Variants in RAB6B observed in about 807,000 individuals in gnomAD.
RAB6B encodes the protein RAB6B, member RAS oncogene family.
Under a neutral mutation model 31.2 loss-of-function variants are expected in RAB6B, and 7 were observed. The observed-to-expected ratio is 0.22, with a 90% CI of 0.13 to 0.42. The LOEUF is 0.42. Ranked by LOEUF, RAB6B falls within the 10% of genes least tolerant of loss-of-function variation. The probability of loss-of-function intolerance (pLI) is 1.00; values close to 1 mark genes in which losing one functional copy is unlikely to be tolerated. For synonymous variants in RAB6B, 105 were observed against 104.9 expected, an observed-to-expected ratio of 1.00 and a Z score of -0.01; for missense variants, 149 against 280.6, an observed-to-expected ratio of 0.53 and a Z score of 3.35.
At chr3:133,873,776 C>T (rs762155068) in intron 1 of RAB6B, among the ~76,000 whole-genome samples, 33 of 152,178 alleles carry the variant, frequency 2.2e-4, no homozygotes, top group Non-Finnish European at 3.2e-4. Flanking sequence ...AATCCTCATA[C>T]GACTTTTTAG....
chr3:133,889,440 A>ATATATATATATATATT (rs1936606167), intron 1 of RAB6B, among the ~76,000 whole-genome samples: 1 of 99,524 alleles, frequency 1.0e-5, no homozygotes. Context: ...ATATATATAT[A>ATATATATATATATATT]TATATTTATT....
At chr3:133,851,643 G>A (rs1935985834) in intron 2 of RAB6B, among the ~76,000 whole-genome samples, 1 of 152,148 alleles carries the variant, frequency 6.6e-6, no homozygotes, top group Non-Finnish European at 1.5e-5. Context: ...AGAGAGGCTG[G>A]GTGACTAAGA....
At chr3:133,843,520 C>G (rs909857986) in intron 2 of RAB6B, among the ~76,000 whole-genome samples, 21 of 152,320 alleles carry the variant, frequency 1.4e-4, no homozygotes, top group Non-Finnish European at 2.5e-4. Flanking sequence ...ACAGGCTCCC[C>G]AGGAGTGACA....
chr3:133,825,677 C>CCAT lies in RAB6B; in HGVS notation c.*3108_*3110dup, dbSNP rs1364458823. 1 of 152,150 alleles carries CCAT rather than the reference C, an allele frequency of 6.6e-6. No homozygotes were observed. The highest frequency in any genetic ancestry group is 2.4e-5 in the African/African-American group (1 of 41,432). 9.4% of individuals were successfully genotyped at this position (152,150 alleles called of 1,614,324 possible). On this transcript the variant is annotated 3_prime_UTR_variant, in exon 8 of 8. Transcript: ENST00000285208. ...CTTGTAAATAGGCTGTTTGCTTTTT[C>CCAT]CATCTTACACTCAACTTTCCTGATG...
At chr3:133,834,706 C>A (rs1287254984) in intron 6 of RAB6B, 65 bp from the exon 7 acceptor site, 2 of 1,436,040 alleles carry the variant, frequency 1.4e-6, no homozygotes, top group Non-Finnish European at 2.0e-6. Flanking sequence ...CCTCACTGCA[C>A]CTGCACCCTC....
rs1365782704 is a variant in RAB6B, at chr3:133,895,542, G to A, written c.-76C>T. 5 of 1,489,434 alleles carry A rather than the reference G, an allele frequency of 3.4e-6. No individual in the cohort carries two copies. In the South Asian group the frequency reaches 4.7e-5, roughly 14 times the overall value. 92.3% of individuals were successfully genotyped at this position (1,489,434 alleles called of 1,614,324 possible). A position where few individuals can be genotyped will look rare whatever the true frequency, so the allele number is the denominator to read the frequency against. On this transcript the variant is annotated 5_prime_UTR_variant, in exon 1 of 8. Transcript: ENST00000285208. Reference sequence around the variant, plus strand: ...CAGGGAGGGGAGAGTAGGAGGGCGAGGGGAGGCGGCCGGCGGTGCGGGAGC... The same window carrying A: ...CAGGGAGGGGAGAGTAGGAGGGCGAAGGGAGGCGGCCGGCGGTGCGGGAGC...
intron 1 of RAB6B, among the ~76,000 whole-genome samples, chr3:133,866,641 T>A (rs193014955): frequency 1.3e-5 from 2 of 152,332 alleles, no homozygotes; most frequent in Non-Finnish European, 2.9e-5. Flanking sequence ...CTGCTTTAAA[T>A]CTCCCCTTAA....
chr3:133,875,639 G>A (rs1447878069), intron 1 of RAB6B, among the ~76,000 whole-genome samples: 3 of 152,110 alleles, frequency 2.0e-5, no homozygotes, highest in Non-Finnish European at 4.4e-5. Flanking sequence ...GAGCTCTCAG[G>A]ACACTGCAAA....
chr3:133,830,005 A>G (rs1396243087), intron 7 of RAB6B, among the ~76,000 whole-genome samples: 1 of 152,230 alleles, frequency 6.6e-6, no homozygotes, highest in Non-Finnish European at 1.5e-5. Flanking sequence ...AAATGAGTAA[A>G]TAGATACTAA....
At chr3:133,840,941 GCTTT>G (rs1388553050) in intron 4 of RAB6B, among the ~76,000 whole-genome samples, 6 of 152,166 alleles carry the variant, frequency 3.9e-5, no homozygotes, top group South Asian at 2.1e-4. Flanking sequence ...TCCTTAGGGA[GCTTT>G]CTGACAGCCA....
At position 133,887,332 on chromosome 3, in the gene RAB6B, C is replaced by T. The variant is rs1469464509; in HGVS notation, c.70+8065G>A. ...AGAAGGGAGCCAGCATGCCCCTCCC[C>T]CACATTGTGCCCCCAGGGAGGGTTG... is the stretch of plus-strand genomic sequence containing the variant. On this transcript the variant is annotated intron_variant, in intron 1 of 7. Transcript: ENST00000285208. Among the ~76,000 whole-genome samples the T allele has an allele frequency of 2.0e-5, 3 of 152,188 alleles. No individual in the cohort carries two copies. The South Asian group carries it at 6.2e-4, about 32-fold the overall frequency.
chr3:133,885,469 C>T (rs1936533148), intron 1 of RAB6B: 1 of 700,742 alleles, frequency 1.4e-6, no homozygotes, highest in Non-Finnish European at 2.6e-6. Flanking sequence ...AGGACTTACA[C>T]ACCCAATGAC....
intron 1 of RAB6B, among the ~76,000 whole-genome samples, chr3:133,886,386 A>G (rs1936547590): frequency 6.6e-6 from 1 of 152,210 alleles, no homozygotes; most frequent in Admixed American, 6.5e-5. Flanking sequence ...CTGAAGGCAT[A>G]TAACCCCAAT....
chr3:133,857,279 G>A (rs1239458624), intron 2 of RAB6B, among the ~76,000 whole-genome samples: 2 of 152,046 alleles, frequency 1.3e-5, no homozygotes, highest in Non-Finnish European at 2.9e-5. Context: ...AAGGCCACTG[G>A]TTTAGGTGAT....
At chr3:133,875,356 T>C (rs951009446) in intron 1 of RAB6B, among the ~76,000 whole-genome samples, 6 of 152,094 alleles carry the variant, frequency 3.9e-5, no homozygotes, top group African/African-American at 9.7e-5. Context: ...CACTTATATG[T>C]GGAAACTAAA....
Position 133,828,665 on chromosome 3 carries a change from C to A in RAB6B, c.*123G>T. On this transcript the variant is annotated 3_prime_UTR_variant, in exon 8 of 8. Transcript: ENST00000285208. ...CCCCATCCCACCCTACTCCTAAAGACAGAGAGAAAAGAAAAATCCTCCCAT... is the reference window on the plus strand; with the variant it reads ...CCCCATCCCACCCTACTCCTAAAGAAAGAGAGAAAAGAAAAATCCTCCCAT... 1.2e-5 allele frequency: 7 copies of A among 594,238 alleles called. No homozygotes were observed. The highest frequency in any genetic ancestry group is 1.9e-5 in the African/African-American group (1 of 52,600). The allele number at this position is 594,238 out of a possible 1,614,324, so 36.8% of individuals were successfully genotyped here.
At chr3:133,869,282 T>G (rs1936283957) in intron 1 of RAB6B, among the ~76,000 whole-genome samples, 1 of 151,998 alleles carries the variant, frequency 6.6e-6, no homozygotes, top group African/African-American at 2.4e-5. Context: ...AGCCAGACAG[T>G]GTGTGAGGAA....
In RAB6B at chr3:133,825,273, T is replaced by G. The variant is rs1276386828; in HGVS notation, c.*3515A>C. On this transcript the variant is annotated 3_prime_UTR_variant, in exon 8 of 8. Transcript: ENST00000285208. ...AGGGCCATCCCTTTATTGTCACAAC[T>G]GGTATCCCAGGGCAGGGCCTCCCCG... The G allele has an allele frequency of 6.6e-6, 1 of 152,228 alleles. No homozygotes were observed. The highest frequency in any genetic ancestry group is 6.5e-5 in the Admixed American group (1 of 15,290). The allele number at this position is 152,228 out of a possible 1,614,324, so 9.4% of individuals were successfully genotyped here.
intron 1 of RAB6B, among the ~76,000 whole-genome samples, chr3:133,881,847 T>C (rs1383168322): frequency 6.6e-6 from 1 of 152,228 alleles, no homozygotes; most frequent in Non-Finnish European, 1.5e-5. Context: ...ATCTCAGGTG[T>C]CACCTTCCTC....
Sources: allele counts gnomAD v4.1 joint callset (sites outside exome capture counted in the v4.1 genomes callset), GRCh38; gene constraint gnomAD v4.1.1; transcripts MANE v1.5; gene names NCBI Gene and HGNC (gene_info 2026-07-23, HGNC 2026-07-21).